AUTS2: variants seen among roughly 807,000 people sequenced by gnomAD.
The protein encoded by AUTS2 is autism susceptibility gene 2 protein.
A neutral mutation model predicts 112.4 loss-of-function variants in AUTS2; 17 were observed. That is an observed-to-expected ratio of 0.15 (90% confidence interval 0.10 to 0.23). The LOEUF is 0.23. Ranked by LOEUF, AUTS2 falls within the 10% of genes least tolerant of loss-of-function variation. The pLI is 1.00. For missense variants in AUTS2, 1,510 were observed against 1,701.6 expected (o/e 0.89, Z 1.98); for synonymous variants, 751 against 702.7 (o/e 1.07, Z -1.09).
chr7:69,971,980 G>A lies in AUTS2; in HGVS notation c.522+72482G>A, dbSNP rs575412221. On this transcript the variant is annotated intron_variant, in intron 2 of 18. Transcript: ENST00000342771. ...GCTGGGTAGTATGTATAGTATTTGC[G>A]TGGTTAATTTTTAAGAAGCCACCAA... Among the ~76,000 whole-genome samples the A allele has an allele frequency of 1.2e-4, 18 of 152,238 alleles. No individual in the cohort carries two copies. In the South Asian group the frequency reaches 2.3e-3, roughly 19 times the overall value.
At chr7:70,273,817 T>C (rs1787806123) in intron 4 of AUTS2, among the ~76,000 whole-genome samples, 1 of 152,162 alleles carries the variant, frequency 6.6e-6, no homozygotes, top group African/African-American at 2.4e-5. Context: ...TTGAAAAAAG[T>C]CTGCATGTAA....
At chr7:70,513,730 G>A (rs899244465) in intron 5 of AUTS2, among the ~76,000 whole-genome samples, 13 of 148,708 alleles carry the variant, frequency 8.7e-5, no homozygotes, top group East Asian at 7.9e-4. Context: ...GTGCAATCTC[G>A]GCTCACTGCA....
At chr7:70,393,341 A>C (rs1793946230) in intron 4 of AUTS2, among the ~76,000 whole-genome samples, 1 of 152,048 alleles carries the variant, frequency 6.6e-6, no homozygotes, top group Non-Finnish European at 1.5e-5. Context: ...GGAAGAGAGG[A>C]ATTGGTGTTT....
chr7:70,610,092 T>G (rs1300772549), intron 5 of AUTS2, among the ~76,000 whole-genome samples: 1 of 152,032 alleles, frequency 6.6e-6, no homozygotes, highest in Admixed American at 6.6e-5. Flanking sequence ...CTCCACCTCC[T>G]GGGTTAAAGC....
chr7:70,601,692 C>T (rs560939888), intron 5 of AUTS2, among the ~76,000 whole-genome samples: 13 of 152,092 alleles, frequency 8.5e-5, no homozygotes, highest in Non-Finnish European at 1.2e-4. Flanking sequence ...AGTAGAGAAG[C>T]GGGGACAGGA....
intron 2 of AUTS2, among the ~76,000 whole-genome samples, chr7:69,941,089 CACACACATTTGTTGTAGAGGGTTAT>C: frequency 6.6e-6 from 1 of 152,286 alleles, no homozygotes; most frequent in East Asian, 1.9e-4. Context: ...TGTACACACG[CACACACATTTGTTGTAGAGGGTTAT>C]ACCCTCCCAA....
chr7:70,480,214 G>T (rs754402964), intron 5 of AUTS2, among the ~76,000 whole-genome samples: 1 of 152,230 alleles, frequency 6.6e-6, no homozygotes, highest in Non-Finnish European at 1.5e-5. Context: ...GTATGTGTAC[G>T]TGTGTGTGCA....
intron 1 of AUTS2, among the ~76,000 whole-genome samples, chr7:69,717,156 T>C (rs1025068493): frequency 2.6e-5 from 4 of 152,174 alleles, no homozygotes; most frequent in Non-Finnish European, 5.9e-5. Context: ...TTTTCTCCCC[T>C]TTGAGGAGGA....
At chr7:69,852,510 C>T (rs371671700) in intron 1 of AUTS2, among the ~76,000 whole-genome samples, 10 of 151,938 alleles carry the variant, frequency 6.6e-5, no homozygotes, top group Non-Finnish European at 8.8e-5. Context: ...TGGAGTGCAG[C>T]GGCTCAATCT....
intron 4 of AUTS2, among the ~76,000 whole-genome samples, chr7:70,422,494 C>T (rs2130704365): frequency 6.6e-6 from 1 of 152,258 alleles, no homozygotes; most frequent in African/African-American, 2.4e-5. Flanking sequence ...ATATCCATGT[C>T]AGCCAGGCAT....
At chr7:69,806,039 A>G (rs1322884760) in intron 1 of AUTS2, among the ~76,000 whole-genome samples, 1 of 151,686 alleles carries the variant, frequency 6.6e-6, no homozygotes, top group African/African-American at 2.4e-5. Context: ...AGCTGGGACT[A>G]TAGGCACGTG....
At chr7:69,938,367 C>T (rs988172002) in intron 2 of AUTS2, among the ~76,000 whole-genome samples, 1 of 152,220 alleles carries the variant, frequency 6.6e-6, no homozygotes. Flanking sequence ...ACTTCCTTGA[C>T]TCTTGCGGGC....
chr7:69,999,006 G>A lies in AUTS2; in HGVS notation c.522+99508G>A, dbSNP rs1016149604. ...TTTAGCGAGGAGGTCTGAGTGCTAT[G>A]TGATATGTTTACTACCTACCTATAA... On this transcript the variant is annotated intron_variant, in intron 2 of 18. Coordinates refer to ENST00000342771, the MANE Select transcript of AUTS2 (RefSeq NM_015570.4). Among the ~76,000 whole-genome samples, 15 of 152,144 alleles carry A rather than the reference G, an allele frequency of 9.9e-5. 1 individual carries two copies. The highest frequency in any genetic ancestry group is 3.6e-4 in the African/African-American group (15 of 41,434).
At chr7:70,263,734 A>G (rs967933668) in intron 4 of AUTS2, among the ~76,000 whole-genome samples, 1 of 152,224 alleles carries the variant, frequency 6.6e-6, no homozygotes, top group Non-Finnish European at 1.5e-5. Context: ...AAGGTTAAAA[A>G]TGTAGTGCTT....
At chr7:69,837,244 T>C (rs374026856) in intron 1 of AUTS2, among the ~76,000 whole-genome samples, 128 of 152,308 alleles carry the variant, frequency 8.4e-4, no homozygotes, top group Admixed American at 4.2e-3. Flanking sequence ...GTCCTGGTAA[T>C]TGGGAAGACA....
intron 1 of AUTS2, among the ~76,000 whole-genome samples, chr7:69,758,077 C>T (rs924295696): frequency 3.9e-5 from 6 of 152,178 alleles, no homozygotes; most frequent in African/African-American, 1.4e-4. Flanking sequence ...GATGTGTTTT[C>T]CCCCCAGGGA....
At chr7:69,901,074 C>T (rs9690769) in intron 2 of AUTS2, among the ~76,000 whole-genome samples, 12,537 of 152,008 alleles carry the variant, frequency 0.082, 667 homozygotes, top group African/African-American at 0.14. Flanking sequence ...ATCTCTAGTT[C>T]CGTGGTTTGT....
chr7:70,156,075 AT>A (rs1334034256), intron 4 of AUTS2, among the ~76,000 whole-genome samples: 3 of 152,066 alleles, frequency 2.0e-5, no homozygotes, highest in Admixed American at 6.5e-5. Context: ...CCATAACTTC[AT>A]CTAGCCCTGT....
At chr7:70,048,725 A>G (rs1801613253) in intron 2 of AUTS2, among the ~76,000 whole-genome samples, 1 of 152,244 alleles carries the variant, frequency 6.6e-6, no homozygotes, top group African/African-American at 2.4e-5. Flanking sequence ...AACAGGAGAA[A>G]GGTGAGACCT....
Sources: gnomAD v4.1 joint callset for allele counts (sites outside exome capture counted in the v4.1 genomes callset) on GRCh38, gnomAD v4.1.1 for gene constraint, MANE v1.5 for transcripts, NCBI Gene and HGNC (gene_info 2026-07-23, HGNC 2026-07-21) for gene names.